Variants in MYOM2 observed in about 807,000 individuals in gnomAD.
MYOM2 encodes the protein myomesin-2.
Under a neutral mutation model 187.6 loss-of-function variants are expected in MYOM2, and 254 were observed. The ratio of observed to expected loss-of-function variants is 1.35; its 90% confidence interval spans 1.22 to 1.50. The LOEUF (loss-of-function observed/expected upper bound fraction) is 1.50, where lower values mean the gene tolerates loss of function less well. Among genes scored for constraint, MYOM2 ranks in the 40% most tolerant of loss-of-function variants. The probability of loss-of-function intolerance (pLI) is 0.00; values close to 1 mark genes in which losing one functional copy is unlikely to be tolerated. For missense variants in MYOM2, 2,796 were observed against 1,924.0 expected, an observed-to-expected ratio of 1.45 and a Z score of -8.48; for synonymous variants, 981 against 753.8, an observed-to-expected ratio of 1.30 and a Z score of -4.94.
At chr8:2,120,402 G>C (rs1401143273) in intron 28 of MYOM2, among the ~76,000 whole-genome samples, 1 of 151,558 alleles carries the variant, frequency 6.6e-6, no homozygotes, top group Non-Finnish European at 1.5e-5. Context: ...GCTTGTTGAT[G>C]AGCCTAAGTG....
In MYOM2 at chr8:2,144,816, G is replaced by A; in HGVS notation, c.4233G>A (p.Glu1411=). The A allele has an allele frequency of 6.2e-7, 1 of 1,614,204 alleles. No individual in the cohort carries two copies. Among genetic ancestry groups the A allele is most frequent in the Non-Finnish European group, 8.5e-7 (1 of 1,180,048 alleles). Residue 1411 remains glutamate (E), a synonymous_variant, in exon 37 of 37, where the codon GAG becomes GAA. Coordinates refer to ENST00000262113, the MANE Select transcript of MYOM2 (RefSeq NM_003970.4). ...TGACCATCAAAGGCGTGACCTCCGA[G>A]GACTCGGGCAAGTACAGCATCAACA... ...VSMTIKGVTS[E]DSGKYSINIK... is the part of the protein sequence containing the mutation.
chr8:2,106,137 A>G, intron 21 of MYOM2, 105 bp from the exon 22 acceptor site: 1 of 1,137,126 alleles, frequency 8.8e-7, no homozygotes, highest in Non-Finnish European at 1.3e-6. Context: ...ATTTGAGATG[A>G]GATTTGGGTG....
chr8:2,142,461 A>G, intron 35 of MYOM2, 64 bp downstream of exon 35: 1 of 1,545,334 alleles, frequency 6.5e-7, no homozygotes, highest in Non-Finnish European at 8.9e-7. Flanking sequence ...AAGTGTCCAT[A>G]TTTTGGAGGA....
chr8:2,075,726 G>A (rs769590222), intron 10 of MYOM2, among the ~76,000 whole-genome samples: 2 of 152,120 alleles, frequency 1.3e-5, no homozygotes, highest in African/African-American at 2.4e-5. Flanking sequence ...AGAGTAAATC[G>A]CCCAATTTCC....
intron 30 of MYOM2, 48 bp downstream of exon 30, chr8:2,123,690 A>T: frequency 6.6e-7 from 1 of 1,516,832 alleles, no homozygotes. Flanking sequence ...TCCTTTCACC[A>T]ACAGGATGGG....
chr8:2,124,084 T>C, intron 30 of MYOM2, 95 bp from the exon 31 acceptor site: 1 of 1,258,940 alleles, frequency 7.9e-7, no homozygotes, highest in Admixed American at 2.1e-5. Flanking sequence ...CAACTGAACA[T>C]CACAATTTCC....
chr8:2,111,107 G>C (rs73552706), intron 25 of MYOM2, among the ~76,000 whole-genome samples: 3 of 152,190 alleles, frequency 2.0e-5, no homozygotes, highest in African/African-American at 4.8e-5. Context: ...CTTTATTTGC[G>C]GGATATCTTT....
chr8:2,062,693 C>T (rs1818891415), intron 6 of MYOM2, among the ~76,000 whole-genome samples: 1 of 152,056 alleles, frequency 6.6e-6, no homozygotes, highest in Admixed American at 6.6e-5. Context: ...AGAAAGAGAC[C>T]ACCTGCCTTC....
intron 31 of MYOM2, among the ~76,000 whole-genome samples, 164 bp downstream of exon 31, chr8:2,124,381 C>T (rs554104466): frequency 7.9e-5 from 12 of 152,254 alleles, no homozygotes; most frequent in Admixed American, 4.6e-4. Context: ...GCCGATGAAG[C>T]TTTTTAAAGG....
chr8:2,107,713 G>C (rs916614134), intron 23 of MYOM2, among the ~76,000 whole-genome samples: 2 of 152,152 alleles, frequency 1.3e-5, no homozygotes, highest in African/African-American at 4.8e-5. Flanking sequence ...TCACAGGCAG[G>C]GTGGGGAAGG....
chr8:2,124,341 C>T (rs1342210836), intron 31 of MYOM2, 124 bp downstream of exon 31: 1 of 952,634 alleles, frequency 1.0e-6, no homozygotes. Context: ...GTGGGAGGCC[C>T]TGGATGGAAG....
At chr8:2,074,292 T>G (rs1166397472) in intron 10 of MYOM2, among the ~76,000 whole-genome samples, 2 of 152,170 alleles carry the variant, frequency 1.3e-5, no homozygotes, top group Non-Finnish European at 2.9e-5. Context: ...GTTTTCCAGA[T>G]GAATCCATGG....
chr8:2,139,111 G>A (rs1227288534), intron 32 of MYOM2, among the ~76,000 whole-genome samples: 1 of 151,206 alleles, frequency 6.6e-6, no homozygotes, highest in Non-Finnish European at 1.5e-5. Flanking sequence ...ACCACCACCA[G>A]AGACCGGGAC....
chr8:2,076,965 G>A (rs562247023), intron 11 of MYOM2, among the ~76,000 whole-genome samples: 101 of 152,176 alleles, frequency 6.6e-4, no homozygotes, highest in Non-Finnish European at 1.2e-3. Context: ...TCCAGTTCTT[G>A]GAGTAAATTA....
At chr8:2,079,393 G>C (rs1048303075) in intron 12 of MYOM2, among the ~76,000 whole-genome samples, 167 bp from the exon 13 acceptor site, 3 of 151,980 alleles carry the variant, frequency 2.0e-5, no homozygotes, top group African/African-American at 7.3e-5. Flanking sequence ...GCTGAGAAGT[G>C]CTAACTGTTA....
rs573297811 is a variant in MYOM2 at position 2,047,284 on chromosome 8, G to A, written c.-13+2116G>A. On this transcript the variant is annotated intron_variant, in intron 1 of 36. Coordinates refer to ENST00000262113, the MANE Select transcript of MYOM2 (RefSeq NM_003970.4). ...AAGACGTCATCACACCCGGCCAGGA[G>A]GTGGTGGCCCAGGCTGGGTGAGGGA... 5.3e-5 allele frequency among the ~76,000 whole-genome samples: 8 copies of A among 152,294 alleles called. No individual in the cohort carries two copies. The South Asian group carries it at 1.2e-3, about 24-fold the overall frequency.
chr8:2,054,443 G>A (rs1329155679), intron 3 of MYOM2, among the ~76,000 whole-genome samples: 2 of 152,196 alleles, frequency 1.3e-5, no homozygotes, highest in African/African-American at 4.8e-5. Context: ...CCCGGGGCTT[G>A]TCATTTACAA....
chr8:2,142,297 C>G, intron 34 of MYOM2, 78 bp from the exon 35 acceptor site: 3 of 1,396,606 alleles, frequency 2.1e-6, no homozygotes, highest in Non-Finnish European at 3.1e-6. Flanking sequence ...TAGTGAGCCT[C>G]TCAGCTGTGC....
intron 28 of MYOM2, among the ~76,000 whole-genome samples, chr8:2,122,544 T>A (rs1305874725): frequency 6.6e-6 from 1 of 152,258 alleles, no homozygotes; most frequent in African/African-American, 2.4e-5. Context: ...TTTTCATTCT[T>A]TTGTCATCAA....
Sources: allele counts gnomAD v4.1 joint callset (sites outside exome capture counted in the v4.1 genomes callset), GRCh38; gene constraint gnomAD v4.1.1; transcripts MANE v1.5; gene names NCBI Gene and HGNC (gene_info 2026-07-23, HGNC 2026-07-21).